Variants in SCN2A observed in about 807,000 individuals in gnomAD.
The protein encoded by SCN2A is sodium channel protein type 2 subunit alpha.
In SCN2A, 20 loss-of-function variants were observed where a neutral mutation model predicts 188.7. The ratio of observed to expected loss-of-function variants is 0.11; its 90% CI spans 0.07 to 0.15. The LOEUF is 0.15. SCN2A is among the 10% of genes least tolerant of loss of function. The pLI is 1.00. For missense variants in SCN2A, 1,278 were observed against 2,445.0 expected (o/e 0.52, Z 10.07); for synonymous variants, 804 against 833.1 (o/e 0.97, Z 0.60).
chr2:165,380,400 T>C (rs1347054201), intron 23 of SCN2A, among the ~76,000 whole-genome samples, 192 bp from the exon 24 acceptor site: 1 of 151,822 alleles, frequency 6.6e-6, no homozygotes, highest in Non-Finnish European at 1.5e-5. Context: ...TATTTCATTT[T>C]CCCAGGTAAT....
At chr2:165,335,203 C>T (rs186669272) in intron 14 of SCN2A, among the ~76,000 whole-genome samples, 9 of 151,638 alleles carry the variant, frequency 5.9e-5, no homozygotes, top group Admixed American at 3.3e-4. Flanking sequence ...ACAAATTTAA[C>T]GCTATTCATA....
chr2:165,366,157 A>G (rs2105357553), intron 18 of SCN2A, among the ~76,000 whole-genome samples: 1 of 152,348 alleles, frequency 6.6e-6, no homozygotes, highest in African/African-American at 2.4e-5. Flanking sequence ...AAAGTTTACC[A>G]GAAAACTCTC....
chr2:165,284,930 C>T (rs1196087211), intron 1 of SCN2A, among the ~76,000 whole-genome samples: 2 of 152,104 alleles, frequency 1.3e-5, no homozygotes, highest in Non-Finnish European at 2.9e-5. Context: ...GATTTTAAAA[C>T]GTTGCAGCAA....
At chr2:165,262,289 T>C (rs761963718) in intron 1 of SCN2A, among the ~76,000 whole-genome samples, 1 of 152,156 alleles carries the variant, frequency 6.6e-6, no homozygotes, top group Non-Finnish European at 1.5e-5. Context: ...AGTTCTTTAG[T>C]GGTGATTTCT....
intron 17 of SCN2A, among the ~76,000 whole-genome samples, chr2:165,359,923 A>G (rs924104859): frequency 2.6e-5 from 4 of 151,996 alleles, no homozygotes; most frequent in African/African-American, 7.2e-5. Context: ...AAAATGTTAT[A>G]ATGTATTCAT....
At chr2:165,328,643 C>A (rs1698495635) in intron 13 of SCN2A, 2 of 310,314 alleles carry the variant, frequency 6.4e-6, no homozygotes, top group Admixed American at 6.5e-5. Context: ...ATTGGACTTG[C>A]CAACTAATTA....
intron 15 of SCN2A, among the ~76,000 whole-genome samples, chr2:165,343,373 T>A (rs7571178): frequency 0.04 from 6,027 of 152,202 alleles, 380 homozygotes; most frequent in African/African-American, 0.13. Context: ...CTAATTTGAA[T>A]CTAGAAGGAT....
intron 14 of SCN2A, among the ~76,000 whole-genome samples, chr2:165,335,486 T>C (rs1698941173): frequency 6.6e-6 from 1 of 151,718 alleles, no homozygotes; most frequent in Admixed American, 6.6e-5. Flanking sequence ...ACAAGACCAC[T>C]AGACAATTTT....
Position 165,286,399 on chromosome 2 carries a change from A to AT in SCN2A, c.-51-9370dup, listed in dbSNP as rs35723932. Among the ~76,000 whole-genome samples the AT allele has an allele frequency of 2.8e-3, 427 of 152,364 alleles. 8 individuals are homozygous for AT. The highest frequency in any genetic ancestry group is 0.01 in the South Asian group (50 of 4,824). On this transcript the variant is annotated intron_variant, in intron 1 of 26. Transcript: ENST00000375437. ...TACAGAAATGTGAAGACTGAATTGA[A>AT]TTTTAACCTAATGTGAAATCTTGGT...
chr2:165,389,287 T>G lies in SCN2A; in HGVS notation c.5481T>G (p.Pro1827=), dbSNP rs1016566512. Residue 1827 remains proline, a synonymous_variant, in exon 27 of 27, where the codon CCT becomes CCG. Coordinates refer to ENST00000375437, the MANE Select transcript of SCN2A (RefSeq NM_001040142.2). This position sits in a 1 kb window ranked among gnomAD's most constrained non-coding sequence, Gnocchi z 4.2. The part of the protein sequence containing the change: ...KLSDFADALD[P]PLLIAKPNKV... ...CTGATTTTGCAGATGCCCTGGATCC[T>G]CCTCTTCTCATAGCAAAACCCAACA... 1.2e-6 allele frequency: 2 copies of G among 1,613,944 alleles called. No homozygotes were observed. The highest frequency in any genetic ancestry group is 1.7e-6 in the Non-Finnish European group (2 of 1,179,990).
intron 1 of SCN2A, among the ~76,000 whole-genome samples, chr2:165,255,074 T>C (rs1559317998): frequency 6.6e-6 from 1 of 151,998 alleles, no homozygotes; most frequent in African/African-American, 2.4e-5. Context: ...TTTGGTACTT[T>C]GTGTTGGTTA....
intron 16 of SCN2A, among the ~76,000 whole-genome samples, chr2:165,348,475 A>T (rs1289112390): frequency 1.3e-5 from 2 of 152,016 alleles, no homozygotes; most frequent in African/African-American, 4.8e-5. Flanking sequence ...GTATTATTTT[A>T]TTTTTATTCA....
intron 1 of SCN2A, among the ~76,000 whole-genome samples, chr2:165,255,710 T>C (rs1224705811): frequency 2.0e-5 from 3 of 152,184 alleles, no homozygotes; most frequent in African/African-American, 7.2e-5. Flanking sequence ...ATGAAGGAGA[T>C]ATTGATGATA....
intron 1 of SCN2A, among the ~76,000 whole-genome samples, chr2:165,292,510 T>A (rs983206144): frequency 6.6e-6 from 1 of 152,174 alleles, no homozygotes; most frequent in Non-Finnish European, 1.5e-5. Flanking sequence ...CCACGGTGTC[T>A]CTTGTTCCCA....
Position 165,344,874 on chromosome 2 carries a change from C to T in SCN2A, c.2882C>T (p.Thr961Ile). 1 of 1,614,152 alleles carries T rather than the reference C, an allele frequency of 6.2e-7. No individual in the cohort carries two copies. The highest frequency in any genetic ancestry group is 8.5e-7 in the Non-Finnish European group (1 of 1,180,042). The stretch of plus-strand genomic sequence containing the variant: ...GTCGCTGGCCAAACCATGTGCCTTA[C>T]TGTCTTCATGATGGTCATGGTGATT... ...MEVAGQTMCL[T>I]VFMMVMVIGN... The change falls in exon 16 of 27, where the codon ACT becomes ATT. Residue 961 changes from threonine (T) to isoleucine (I), a missense_variant. By Grantham distance (89) the Thr-to-Ile change is moderately conservative. This residue lies in a region of SCN2A where 83 missense variants were observed against 256.8 expected (regional missense o/e 0.32). Transcript: ENST00000375437.
chr2:165,284,940 A>C (rs1312809782), intron 1 of SCN2A, among the ~76,000 whole-genome samples: 4 of 152,212 alleles, frequency 2.6e-5, no homozygotes, highest in Non-Finnish European at 5.9e-5. Flanking sequence ...CGTTGCAGCA[A>C]TGTATTGCCA....
At chr2:165,267,372 G>C (rs900091773) in intron 1 of SCN2A, 1 of 151,854 alleles carries the variant, frequency 6.6e-6, no homozygotes, top group African/African-American at 2.4e-5. Flanking sequence ...TTTGACAAAA[G>C]TACCAAGAAC....
intron 19 of SCN2A, among the ~76,000 whole-genome samples, chr2:165,368,423 C>T (rs139193463): frequency 0.017 from 2,580 of 152,242 alleles, 26 homozygotes; most frequent in Non-Finnish European, 0.024. Context: ...CTTTGGGCCA[C>T]GGTTCCAGGC....
chr2:165,387,081 A>G, intron 26 of SCN2A, 65 bp downstream of exon 26: 4 of 1,508,578 alleles, frequency 2.7e-6, no homozygotes, highest in Admixed American at 3.4e-5. Flanking sequence ...TTAAAACTTT[A>G]GAGGTGTTTT....
Sources: gnomAD v4.1 joint callset for allele counts (sites outside exome capture counted in the v4.1 genomes callset) on GRCh38, gnomAD v4.1.1 for gene constraint, gnomAD v4.1.1 regional missense constraint, Gnocchi (gnomAD v3.1) non-coding constraint, MANE v1.5 for transcripts, NCBI Gene and HGNC (gene_info 2026-07-23, HGNC 2026-07-21) for gene names.